MALRD1: variants seen among roughly 807,000 people sequenced by gnomAD.
MALRD1 encodes the protein MAM and LDL receptor class A domain containing 1, also known as MAM and LDL-receptor class A domain-containing protein 1.
A neutral mutation model predicts 242.1 loss-of-function variants in MALRD1; 247 were observed. That is an observed-to-expected ratio of 1.02 (90% confidence interval 0.92 to 1.13). The LOEUF (loss-of-function observed/expected upper bound fraction) is 1.13. MALRD1 is among the 50% of genes most tolerant of loss of function. The pLI, the probability that MALRD1 is intolerant of heterozygous loss-of-function variation, is 0.00. For missense variants in MALRD1, 2,989 were observed against 2,533.1 expected (o/e 1.18, Z -3.86); for synonymous variants, 995 against 866.6 (o/e 1.15, Z -2.60).
chr10:19,704,744 A>G (rs1233876092), intron 38 of MALRD1, among the ~76,000 whole-genome samples: 1 of 152,208 alleles, frequency 6.6e-6, no homozygotes, highest in East Asian at 1.9e-4. Flanking sequence ...GTTATAATAT[A>G]TGTTTGACTC....
chr10:19,629,505 C>T (rs1396489249), intron 36 of MALRD1, among the ~76,000 whole-genome samples: 3 of 152,146 alleles, frequency 2.0e-5, no homozygotes, highest in African/African-American at 7.2e-5. Flanking sequence ...CACTCCATCA[C>T]CCATCCTAAA....
chr10:19,489,962 A>T (rs748656691), intron 29 of MALRD1, among the ~76,000 whole-genome samples: 90 of 152,220 alleles, frequency 5.9e-4, no homozygotes, highest in Non-Finnish European at 1.1e-3. Context: ...TATGTAGCAT[A>T]CATGCTATTC....
chr10:19,706,563 G>C (rs117342738), intron 38 of MALRD1, among the ~76,000 whole-genome samples: 1 of 152,118 alleles, frequency 6.6e-6, no homozygotes, highest in Admixed American at 6.6e-5. Context: ...CATGGGCCAG[G>C]CTAGTCTCAA....
chr10:19,446,320 G>C (rs995071385), intron 28 of MALRD1, among the ~76,000 whole-genome samples: 4 of 152,056 alleles, frequency 2.6e-5, no homozygotes, highest in Non-Finnish European at 5.9e-5. Flanking sequence ...GTTGAACCCA[G>C]TACCTCAGTT....
chr10:19,583,716 T>C (rs1022588678), intron 33 of MALRD1, among the ~76,000 whole-genome samples: 1 of 151,952 alleles, frequency 6.6e-6, no homozygotes, highest in African/African-American at 2.4e-5. Context: ...CCGGCTTTGG[T>C]ATCAGGATGA....
chr10:19,669,886 A>G (rs780182266), intron 36 of MALRD1, among the ~76,000 whole-genome samples: 4 of 152,182 alleles, frequency 2.6e-5, no homozygotes, highest in Non-Finnish European at 4.4e-5. Context: ...TGGTTATAAC[A>G]ATAAAATAAA....
At chr10:19,646,753 A>AT (rs1160851417) in intron 36 of MALRD1, among the ~76,000 whole-genome samples, 6 of 152,212 alleles carry the variant, frequency 3.9e-5, no homozygotes, top group African/African-American at 7.2e-5. Flanking sequence ...GCTTTAAAAA[A>AT]ATATATATAA....
At chr10:19,062,093 A>T (rs1281425795) in intron 1 of MALRD1, among the ~76,000 whole-genome samples, 6 of 152,180 alleles carry the variant, frequency 3.9e-5, no homozygotes, top group Admixed American at 1.3e-4. Flanking sequence ...AAATAACCTA[A>T]TTAAAAAATG....
At chr10:19,225,864 T>A (rs919905153) in intron 18 of MALRD1, among the ~76,000 whole-genome samples, 5 of 152,216 alleles carry the variant, frequency 3.3e-5, no homozygotes, top group African/African-American at 9.6e-5. Context: ...CTTTCTGATA[T>A]TTCATGTGAT....
intron 2 of MALRD1, among the ~76,000 whole-genome samples, chr10:19,074,675 G>A (rs1835262477): frequency 6.6e-6 from 1 of 152,008 alleles, no homozygotes; most frequent in African/African-American, 2.4e-5. Flanking sequence ...AGATATCTTA[G>A]AGTATTGATG....
At chr10:19,677,372 G>T (rs1035744730) in intron 36 of MALRD1, among the ~76,000 whole-genome samples, 1 of 152,128 alleles carries the variant, frequency 6.6e-6, no homozygotes, top group Non-Finnish European at 1.5e-5. Flanking sequence ...CTGTGAGATG[G>T]TATCTCATTG....
chr10:19,651,687 A>C (rs1840900644), intron 36 of MALRD1, among the ~76,000 whole-genome samples: 1 of 152,214 alleles, frequency 6.6e-6, no homozygotes, highest in Admixed American at 6.5e-5. Context: ...ACAGATGAGC[A>C]ACAGAGCCAC....
intron 21 of MALRD1, among the ~76,000 whole-genome samples, chr10:19,315,569 A>G (rs1842650680): frequency 8.1e-6 from 1 of 123,916 alleles, no homozygotes; most frequent in African/African-American, 3.3e-5. Context: ...ATTTATATAA[A>G]TATATAAATT....
At chr10:19,536,135 G>A (rs189587918) in intron 32 of MALRD1, among the ~76,000 whole-genome samples, 1 of 152,170 alleles carries the variant, frequency 6.6e-6, no homozygotes, top group African/African-American at 2.4e-5. Flanking sequence ...TTCCCTAGCT[G>A]CTTTACTTTC....
chr10:19,650,192 A>G (rs1840805266), intron 36 of MALRD1, among the ~76,000 whole-genome samples: 1 of 152,230 alleles, frequency 6.6e-6, no homozygotes, highest in South Asian at 2.1e-4. Context: ...ATAAAGATTC[A>G]GTGGCTTTGA....
At chr10:19,176,759 TGC>T (rs1316783829) in intron 14 of MALRD1, among the ~76,000 whole-genome samples, 1 of 152,164 alleles carries the variant, frequency 6.6e-6, no homozygotes, top group Non-Finnish European at 1.5e-5. Flanking sequence ...TTCTAAGCTC[TGC>T]GCATGTGTTC....
In MALRD1 at chr10:19,431,006, A is replaced by T. The variant is rs528060867; in HGVS notation, c.4846-19301A>T. ...AGTTAATAAGCCATTTTTTAATTTT[A>T]ATTTTTATTTCAAGTTCTGGTGTAC... On this transcript the variant is annotated intron_variant, in intron 28 of 39. Coordinates refer to ENST00000454679, the MANE Select transcript of MALRD1 (RefSeq NM_001142308.3). 1.1e-4 allele frequency among the ~76,000 whole-genome samples: 17 copies of T among 152,282 alleles called. No individual in the cohort carries two copies. In the East Asian group the frequency reaches 3.1e-3, roughly 28 times the overall value.
intron 29 of MALRD1, among the ~76,000 whole-genome samples, chr10:19,463,038 C>T (rs2358400): frequency 0.81 from 123,875 of 152,044 alleles, 50,648 homozygotes; most frequent in East Asian, 1. Context: ...AGGAAATCTA[C>T]GAAATGTGTT....
rs1296748424 is a variant in MALRD1, at chr10:19,295,222, AATT to A, written c.3419+12048_3419+12050del. On this transcript the variant is annotated intron_variant, in intron 21 of 39. Transcript: ENST00000454679. ...ATTATTATTATTATAAATTATTACA[AATT>A]ATTATTCGTAATTTAGACATTTGAT... Among the ~76,000 whole-genome samples, 10 of 152,194 alleles carry A rather than the reference AATT, an allele frequency of 6.6e-5. No homozygotes were observed. In the East Asian group the frequency reaches 1.2e-3, roughly 18 times the overall value.
Sources: allele counts gnomAD v4.1 joint callset (sites outside exome capture counted in the v4.1 genomes callset), GRCh38; gene constraint gnomAD v4.1.1; transcripts MANE v1.5; gene names NCBI Gene and HGNC (gene_info 2026-07-23, HGNC 2026-07-21).